The following MACF1 variants were observed in gnomAD, a reference collection of about 807,000 sequenced individuals.
The protein encoded by MACF1 is microtubule-actin cross-linking factor 1.
Under a neutral mutation model 854.8 loss-of-function variants are expected in MACF1, and 193 were observed. That is an observed-to-expected ratio of 0.23 (90% CI 0.20 to 0.25). The LOEUF (loss-of-function observed/expected upper bound fraction) is 0.25. MACF1 is among the 10% of genes least tolerant of loss of function. The pLI, the probability that MACF1 is intolerant of heterozygous loss-of-function variation, is 1.00. For missense variants in MACF1, 7,722 were observed against 8,929.1 expected (o/e 0.86, Z 5.45); for synonymous variants, 3,185 against 3,226.7 (o/e 0.99, Z 0.44).
intron 65 of MACF1, among the ~76,000 whole-genome samples, 164 bp downstream of exon 65, chr1:39,430,232 T>C (rs749375366): frequency 1.3e-5 from 2 of 152,144 alleles, no homozygotes; most frequent in African/African-American, 4.8e-5. Context: ...GTTACACATA[T>C]GTTATGAAGA....
At chr1:39,480,874 C>CT (rs1557677088) in intron 98 of MACF1, 46 bp from the exon 99 acceptor site, 1 of 1,041,152 alleles carries the variant, frequency 9.6e-7, no homozygotes, top group South Asian at 1.4e-5. Context: ...CTTTTTGTTC[C>CT]TTTTTCAATT....
chr1:39,231,656 T>C (rs1205707978), intron 2 of MACF1, among the ~76,000 whole-genome samples: 1 of 152,200 alleles, frequency 6.6e-6, no homozygotes, highest in East Asian at 1.9e-4. Flanking sequence ...AAGAACAGTT[T>C]ATTCCTAGCT....
At chr1:39,327,944 G>T (rs1646646773) in intron 36 of MACF1, among the ~76,000 whole-genome samples, 1 of 152,092 alleles carries the variant, frequency 6.6e-6, no homozygotes, top group East Asian at 1.9e-4. Context: ...GTTCTTCCTG[G>T]ATACTTGTGC....
chr1:39,193,002 C>T (rs1047143156), intron 2 of MACF1, among the ~76,000 whole-genome samples: 1 of 151,958 alleles, frequency 6.6e-6, no homozygotes, highest in Admixed American at 6.6e-5. Flanking sequence ...ATCCCAGCTA[C>T]TTGGGAGGCT....
At chr1:39,132,552 G>A (rs1643028714) in intron 2 of MACF1, among the ~76,000 whole-genome samples, 1 of 152,178 alleles carries the variant, frequency 6.6e-6, no homozygotes, top group African/African-American at 2.4e-5. Flanking sequence ...AAGAGGAACT[G>A]CACAGCCCCC....
chr1:39,441,019 C>T lies in MACF1; in HGVS notation c.18464C>T (p.Thr6155Ile), dbSNP rs1200879924. The stretch of plus-strand genomic sequence containing the variant: ...TACATGTAGACTATTAAGGAAGAGA[C>T]AGATGGTCTGCATGAAGAGCTGGAG... ...VEAAETIKEE[T>I]DGLHEELEFI... Residue 6155 changes from threonine to isoleucine, a missense_variant, in exon 73 of 101, where the codon ACA becomes ATA. Thr to Ile is a moderately conservative substitution (Grantham distance 89, BLOSUM62 -1). Around this residue, in one of 15 missense-constraint regions of MACF1, gnomAD observed 2,807 missense variants for 3,235.8 expected, o/e 0.87. Coordinates refer to ENST00000564288, the MANE Select transcript of MACF1 (RefSeq NM_001394062.1). The T allele has an allele frequency of 6.2e-7, 1 of 1,613,986 alleles. No individual in the cohort carries two copies. Among genetic ancestry groups the T allele is most frequent in the Non-Finnish European group, 8.5e-7 (1 of 1,180,002 alleles).
chr1:39,412,020 G>A (rs1181557945), intron 58 of MACF1: 2 of 1,613,998 alleles, frequency 1.2e-6, no homozygotes, highest in Admixed American at 3.3e-5. Flanking sequence ...CAGAATTTAA[G>A]TCCAGACAGC....
chr1:39,320,701 C>CTTA (rs1646497985), intron 31 of MACF1, among the ~76,000 whole-genome samples: 2 of 152,112 alleles, frequency 1.3e-5, no homozygotes, highest in South Asian at 4.1e-4. Flanking sequence ...GGTGTGGTGG[C>CTTA]TTATACCTGT....
chr1:39,444,491 G>T (rs1284255129), intron 79 of MACF1, among the ~76,000 whole-genome samples, 171 bp from the exon 80 acceptor site: 1 of 152,108 alleles, frequency 6.6e-6, no homozygotes, highest in African/African-American at 2.4e-5. Flanking sequence ...TTATTATTAA[G>T]TATGGTGGGT....
upstream of MACF1, among the ~76,000 whole-genome samples, chr1:39,201,700 A>G (rs1557515111): frequency 6.6e-6 from 1 of 151,998 alleles, no homozygotes; most frequent in Non-Finnish European, 1.5e-5. Context: ...GTCTCACACA[A>G]AGCCCTCCAA....
intron 2 of MACF1, among the ~76,000 whole-genome samples, chr1:39,158,183 G>A (rs1189604962): frequency 3.9e-5 from 6 of 152,132 alleles, no homozygotes; most frequent in Non-Finnish European, 8.8e-5. Flanking sequence ...AAGCAACCCC[G>A]AAACAAATCA....
At chr1:39,450,824 G>T (rs1644328192) in intron 84 of MACF1, among the ~76,000 whole-genome samples, 1 of 151,760 alleles carries the variant, frequency 6.6e-6, no homozygotes, top group South Asian at 2.1e-4. Flanking sequence ...TGTTAGCCAG[G>T]ATGGTCTCGA....
At chr1:39,343,832 A>G (rs1263230169) in intron 40 of MACF1, among the ~76,000 whole-genome samples, 1 of 152,170 alleles carries the variant, frequency 6.6e-6, no homozygotes, top group East Asian at 1.9e-4. Context: ...TAAAAGTTTT[A>G]GGGCTGGGCA....
At chr1:39,304,901 CTGTCTCTGTCTCAGACTCTG>C (rs1646137275) in intron 23 of MACF1, 1 of 154,698 alleles carries the variant, frequency 6.5e-6, no homozygotes. Context: ...CCTGCCATGA[CTGTCTCTGTCTCAGACTCTG>C]AATTTTTTTT....
chr1:39,128,596 G>A (rs2148167606), intron 2 of MACF1, among the ~76,000 whole-genome samples: 1 of 152,276 alleles, frequency 6.6e-6, no homozygotes, highest in South Asian at 2.1e-4. Context: ...CTACTCGGGA[G>A]GCTAAGGCAG....
At chr1:39,397,382 T>C (rs1642313671) in intron 58 of MACF1, among the ~76,000 whole-genome samples, 1 of 152,006 alleles carries the variant, frequency 6.6e-6, no homozygotes, top group Non-Finnish European at 1.5e-5. Context: ...GTCAACATGG[T>C]GAAACCCGGT....
chr1:39,450,103 C>T (rs959574060), intron 84 of MACF1, among the ~76,000 whole-genome samples: 5 of 151,970 alleles, frequency 3.3e-5, no homozygotes, highest in African/African-American at 1.2e-4. Flanking sequence ...ACCTCATGAT[C>T]CACCTGCCTC....
chr1:39,238,427 G>A (rs1032506251), intron 2 of MACF1, among the ~76,000 whole-genome samples: 3 of 152,202 alleles, frequency 2.0e-5, no homozygotes, highest in Non-Finnish European at 4.4e-5. Context: ...CTCCCCAGAG[G>A]GTTCTATTGC....
chr1:39,451,620 T>C (rs1644342454), intron 85 of MACF1, among the ~76,000 whole-genome samples: 1 of 152,150 alleles, frequency 6.6e-6, no homozygotes, highest in Non-Finnish European at 1.5e-5. Context: ...ACATAATCTC[T>C]ATCTGTCATG....
Sources: allele counts gnomAD v4.1 joint callset (sites outside exome capture counted in the v4.1 genomes callset), GRCh38; gene constraint gnomAD v4.1.1; regional missense constraint gnomAD v4.1.1; transcripts MANE v1.5; gene names NCBI Gene and HGNC (gene_info 2026-07-23, HGNC 2026-07-21).